The following LRMDA variants were observed in gnomAD, a reference collection of about 807,000 sequenced individuals.
The protein encoded by LRMDA is leucine rich melanocyte differentiation associated, also known as leucine-rich melanocyte differentiation-associated protein.
In LRMDA, 18 loss-of-function variants were observed where a neutral mutation model predicts 29.8. The ratio of observed to expected loss-of-function variants is 0.60; its 90% confidence interval spans 0.42 to 0.90. LRMDA has a LOEUF of 0.90. Ranked by LOEUF, LRMDA falls within the 40% of genes least tolerant of loss-of-function variation. LRMDA has a pLI of 0.00. For missense variants in LRMDA, 273 were observed against 273.9 expected (o/e 1.00, Z 0.02); for synonymous variants, 125 against 109.4 (o/e 1.14, Z -0.89).
At chr10:76,103,806 T>G (rs1849435126) in intron 5 of LRMDA, among the ~76,000 whole-genome samples, 1 of 152,070 alleles carries the variant, frequency 6.6e-6, no homozygotes, top group South Asian at 2.1e-4. Flanking sequence ...ATCCCAGCAC[T>G]TTGGGAGGCT....
intron 5 of LRMDA, among the ~76,000 whole-genome samples, chr10:76,076,270 G>A (rs1457412989): frequency 6.7e-6 from 1 of 148,302 alleles, no homozygotes; most frequent in Admixed American, 6.8e-5. Context: ...GTGAACCCAG[G>A]AGGCGGAGCT....
At chr10:76,049,482 T>C (rs1004608396) in intron 4 of LRMDA, among the ~76,000 whole-genome samples, 2 of 152,226 alleles carry the variant, frequency 1.3e-5, no homozygotes, top group African/African-American at 4.8e-5. Context: ...AAGAGTGGAA[T>C]GGTAGGCTGA....
chr10:75,641,610 A>AT (rs1554817551), intron 2 of LRMDA, among the ~76,000 whole-genome samples: 41 of 149,872 alleles, frequency 2.7e-4, no homozygotes, highest in South Asian at 8.5e-4. Flanking sequence ...TTTAAAAAAA[A>AT]TTTTTTTTTT....
rs560128395 is a variant in LRMDA at position 76,467,127 on chromosome 10, C to A, written c.602-90082C>A. 1.5e-4 allele frequency among the ~76,000 whole-genome samples: 23 copies of A among 152,250 alleles called. No individual in the cohort carries two copies. In the East Asian group the frequency reaches 4.2e-3, roughly 28 times the overall value. On this transcript the variant is annotated intron_variant, in intron 6 of 6. Transcript: ENST00000611255. The stretch of plus-strand genomic sequence containing the variant: ...AATTTTTGAAGTGGAATTACTAAAT[C>A]AAAAAGTATGAGGATTTTTCAGGAT...
chr10:76,439,962 T>G (rs1842284128), intron 6 of LRMDA, among the ~76,000 whole-genome samples: 1 of 152,194 alleles, frequency 6.6e-6, no homozygotes, highest in Non-Finnish European at 1.5e-5. Flanking sequence ...TTTAAAAATC[T>G]TACCCATCAC....
chr10:76,340,808 C>G (rs1230078530), intron 6 of LRMDA, among the ~76,000 whole-genome samples: 1 of 152,024 alleles, frequency 6.6e-6, no homozygotes. Flanking sequence ...GGGGTAAATT[C>G]AGCATTATTT....
intron 2 of LRMDA, among the ~76,000 whole-genome samples, chr10:75,741,910 A>G (rs897671198): frequency 1.3e-5 from 2 of 152,154 alleles, no homozygotes; most frequent in African/African-American, 4.8e-5. Flanking sequence ...GCTCTCATGA[A>G]CGATGGGATT....
chr10:76,376,103 G>A (rs981082162), intron 6 of LRMDA, among the ~76,000 whole-genome samples: 4 of 151,970 alleles, frequency 2.6e-5, no homozygotes, highest in African/African-American at 9.7e-5. Context: ...CACCCAAATA[G>A]TGTATATCAT....
At chr10:75,607,043 A>T (rs1212652571) in intron 2 of LRMDA, among the ~76,000 whole-genome samples, 1 of 152,218 alleles carries the variant, frequency 6.6e-6, no homozygotes, top group Non-Finnish European at 1.5e-5. Context: ...TTTTATGGAA[A>T]ATTGATTTTG....
At chr10:76,306,998 G>A (rs1840564404) in intron 5 of LRMDA, among the ~76,000 whole-genome samples, 1 of 152,192 alleles carries the variant, frequency 6.6e-6, no homozygotes, top group African/African-American at 2.4e-5. Flanking sequence ...GTGGAGGAGT[G>A]GAGGAAGCCT....
intron 2 of LRMDA, among the ~76,000 whole-genome samples, chr10:75,525,208 G>A (rs901017583): frequency 4.6e-5 from 7 of 152,132 alleles, no homozygotes; most frequent in Non-Finnish European, 1.0e-4. Flanking sequence ...GAAGGAGAGG[G>A]CATTTCAGGC....
At chr10:76,284,304 C>A (rs879322605) in intron 5 of LRMDA, among the ~76,000 whole-genome samples, 3 of 152,044 alleles carry the variant, frequency 2.0e-5, no homozygotes, top group Non-Finnish European at 4.4e-5. Flanking sequence ...AAGTCAGAGT[C>A]AGGGGAGAAG....
chr10:76,253,520 GGAGA>G (rs60609129), intron 5 of LRMDA, among the ~76,000 whole-genome samples: 6 of 148,090 alleles, frequency 4.1e-5, no homozygotes, highest in South Asian at 2.1e-4. Flanking sequence ...GAAGAGAGGG[GGAGA>G]GAGAGAGAGA....
intron 2 of LRMDA, among the ~76,000 whole-genome samples, chr10:75,658,295 G>GAAAA (rs10649469): frequency 8.1e-4 from 62 of 76,648 alleles, no homozygotes; most frequent in African/African-American, 1.9e-3. Context: ...CAAAGAAAAT[G>GAAAA]AAAAAAAAAA....
chr10:75,559,085 T>C (rs1229238998), intron 2 of LRMDA, among the ~76,000 whole-genome samples: 7 of 151,078 alleles, frequency 4.6e-5, no homozygotes, highest in Admixed American at 4.6e-4. Flanking sequence ...TTTCTAGTTC[T>C]AGATCCCTGA....
chr10:76,207,390 C>T (rs1322646351), intron 5 of LRMDA, among the ~76,000 whole-genome samples: 2 of 152,198 alleles, frequency 1.3e-5, no homozygotes, highest in African/African-American at 2.4e-5. Flanking sequence ...AGGGATCCTA[C>T]GTCTGTGAAG....
intron 2 of LRMDA, among the ~76,000 whole-genome samples, chr10:76,031,388 G>A (rs1332667886): frequency 6.6e-6 from 1 of 152,206 alleles, no homozygotes; most frequent in Non-Finnish European, 1.5e-5. Flanking sequence ...GAGTCTAGAG[G>A]CTGCCCTCCT....
At chr10:75,962,434 A>T (rs1385363797) in intron 2 of LRMDA, among the ~76,000 whole-genome samples, 1 of 152,180 alleles carries the variant, frequency 6.6e-6, no homozygotes, top group Admixed American at 6.5e-5. Flanking sequence ...GTGGGGGCTC[A>T]GCAGTTTTGT....
At chr10:76,143,442 G>C (rs1185232643) in intron 5 of LRMDA, among the ~76,000 whole-genome samples, 2 of 152,180 alleles carry the variant, frequency 1.3e-5, no homozygotes, top group Admixed American at 1.3e-4. Flanking sequence ...CTGATGGCCA[G>C]TGATGATGAG....
Sources: gnomAD v4.1 joint callset for allele counts (sites outside exome capture counted in the v4.1 genomes callset) on GRCh38, gnomAD v4.1.1 for gene constraint, MANE v1.5 for transcripts, NCBI Gene and HGNC (gene_info 2026-07-23, HGNC 2026-07-21) for gene names.